Variants in PCDHGB3 observed in about 807,000 individuals in gnomAD.
PCDHGB3 encodes protocadherin gamma subfamily B, 3, also known as protocadherin gamma-B3.
Under a neutral mutation model 59.2 loss-of-function variants are expected in PCDHGB3, and 40 were observed. The observed-to-expected ratio is 0.68, with a 90% CI of 0.52 to 0.88. The LOEUF is 0.88. PCDHGB3 is among the 40% of genes least tolerant of loss of function. The pLI, the probability that PCDHGB3 is intolerant of heterozygous loss-of-function variation, is 0.00. For missense variants in PCDHGB3, 1,309 were observed against 1,187.9 expected (o/e 1.10, Z -1.50); for synonymous variants, 581 against 503.6 (o/e 1.15, Z -2.06).
chr5:141,477,719 T>C lies in PCDHGB3; in HGVS notation c.2416-17088T>C. 6.2e-7 allele frequency: 1 copy of C among 1,613,876 alleles called. No individual in the cohort carries two copies. Among genetic ancestry groups the C allele is most frequent in the Non-Finnish European group, 8.5e-7 (1 of 1,180,028 alleles). ...CTATGAGGATCGGCGGGAATTTGAA[T>C]TAACAGCTCATATCAGCGATGGGGG... On this transcript the variant is annotated intron_variant, in intron 1 of 3. Transcript: ENST00000576222. The surrounding 1 kb of genome is among the most constrained non-coding windows in gnomAD (Gnocchi z 4.9).
At chr5:141,426,655 A>C (rs2096950037) in intron 1 of PCDHGB3, 1 of 424,748 alleles carries the variant, frequency 2.4e-6, no homozygotes, top group Non-Finnish European at 4.8e-6. Flanking sequence ...ATGATAGAAG[A>C]TATAAATGAT....
Position 141,486,092 on chromosome 5 carries a change from C to G in PCDHGB3, c.2416-8715C>G. ...TACTGGAAAGCTTACTCTTTTGGGG[C>G]CCCTAGACTTTGAGAGTGAGAATTA... On this transcript the variant is annotated intron_variant, in intron 1 of 3. Transcript: ENST00000576222. The surrounding 1 kb of genome is among the most constrained non-coding windows in gnomAD (Gnocchi z 5.0). The G allele has an allele frequency of 6.2e-7, 1 of 1,614,148 alleles. No individual in the cohort carries two copies. Among genetic ancestry groups the G allele is most frequent in the South Asian group, 1.1e-5 (1 of 91,080 alleles).
In PCDHGB3 at chr5:141,432,958, A is replaced by C; in HGVS notation, c.2415+60149A>C. 6.2e-7 allele frequency: 1 copy of C among 1,614,182 alleles called. No individual in the cohort carries two copies. Among genetic ancestry groups the C allele is most frequent in the African/African-American group, 1.3e-5 (1 of 75,056 alleles). On this transcript the variant is annotated intron_variant, in intron 1 of 3. Transcript: ENST00000576222. This position sits in a 1 kb window ranked among gnomAD's most constrained non-coding sequence, Gnocchi z 6.0. ...TGCAGGCTTCAGGAGGCGGCTTGAC[A>C]GGAGCGCCGGCGTCGCACTTTGTGG...
rs569451436 is a variant in PCDHGB3, at chr5:141,389,774, A to G, written c.2415+16965A>G. The G allele has an allele frequency of 2.5e-6, 4 of 1,613,170 alleles. No individual in the cohort carries two copies. The African/African-American group carries it at 5.3e-5, about 21-fold the overall frequency. On this transcript the variant is annotated intron_variant, in intron 1 of 3. Transcript: ENST00000576222. ...GCGAAGTGCGCACAGCGCGTGCCTTAGGCGACAGGGACGCCGTCCGCCAGC... is the reference window on the plus strand; with the variant it reads ...GCGAAGTGCGCACAGCGCGTGCCTTGGGCGACAGGGACGCCGTCCGCCAGC...
At chr5:141,420,006 G>T in intron 1 of PCDHGB3, 1 of 1,614,052 alleles carries the variant, frequency 6.2e-7, no homozygotes, top group Non-Finnish European at 8.5e-7. Flanking sequence ...CTACGCCTGC[G>T]ACAGTCTTTC....
chr5:141,422,785 T>C, intron 1 of PCDHGB3: 1 of 1,614,146 alleles, frequency 6.2e-7, no homozygotes, highest in Non-Finnish European at 8.5e-7. Flanking sequence ...TGCCCTACAA[T>C]CCTTCGACTA....
intron 1 of PCDHGB3, among the ~76,000 whole-genome samples, chr5:141,460,983 GTATA>G (rs59296681): frequency 0.024 from 3,365 of 137,748 alleles, 55 homozygotes; most frequent in African/African-American, 0.035. Flanking sequence ...GTGTGTGTGT[GTATA>G]TATATATATG....
At chr5:141,434,035 T>C (rs2154556047) in intron 1 of PCDHGB3, among the ~76,000 whole-genome samples, 1 of 152,316 alleles carries the variant, frequency 6.6e-6, no homozygotes, top group Non-Finnish European at 1.5e-5. Flanking sequence ...AAGCATGGTT[T>C]TCTATTTTAT....
Position 141,431,826 on chromosome 5 carries a change from TTCCCGAAAACTC to T in PCDHGB3, c.2415+59022_2415+59033del, listed in dbSNP as rs755346532. ...GTCCTCACCTCTCTCGCCAGCTCGGTTCCCGAAAACTCTCCCAGAGGGACATTAATTGCCCTT... is the reference window on the plus strand; with the variant it reads ...GTCCTCACCTCTCTCGCCAGCTCGGTTCCCAGAGGGACATTAATTGCCCTT... On this transcript the variant is annotated intron_variant, in intron 1 of 3. Transcript: ENST00000576222. The surrounding 1 kb of genome is among the most constrained non-coding windows in gnomAD (Gnocchi z 4.8). The T allele has an allele frequency of 4.3e-6, 7 of 1,614,102 alleles. No individual in the cohort carries two copies. Among genetic ancestry groups the T allele is most frequent in the Admixed American group, 1.7e-5 (1 of 60,006 alleles).
intron 1 of PCDHGB3, among the ~76,000 whole-genome samples, chr5:141,464,265 AAAAAAAAAAAAAGC>A (rs1446781862): frequency 7.4e-6 from 1 of 135,276 alleles, no homozygotes; most frequent in Non-Finnish European, 1.6e-5. Flanking sequence ...ACTCCGTCTA[AAAAAAAAAAAAAGC>A]AAAAAAAAAA....
rs773899530 is a variant in PCDHGB3 at position 141,494,864 on chromosome 5, G to C, written c.2473G>C (p.Gly825Arg). ...FSQAQRPGTS[G>R]SQNGDDTGTW... ...TCAGGCCCAGAGACCCGGCACCAGCGGGTAGGTGACTGATTCTCCAGCCCA... is the reference window on the plus strand; with the variant it reads ...TCAGGCCCAGAGACCCGGCACCAGCCGGTAGGTGACTGATTCTCCAGCCCA... The change falls in exon 2 of 4, where the codon GGC becomes CGC. Residue 825 changes from glycine (G) to arginine (R), a missense_variant and splice_region_variant. Transcript: ENST00000576222. The C allele has an allele frequency of 1.2e-6, 2 of 1,614,068 alleles. No individual in the cohort carries two copies. Among genetic ancestry groups the C allele is most frequent in the Middle Eastern group, 1.6e-4 (1 of 6,062 alleles).
rs2095330785 is a variant in PCDHGB3 at position 141,409,884 on chromosome 5, G to C, written c.2415+37075G>C. The C allele has an allele frequency of 1.9e-6, 3 of 1,612,952 alleles. No individual in the cohort carries two copies. In the South Asian group the frequency reaches 3.3e-5, roughly 18 times the overall value. On this transcript the variant is annotated intron_variant, in intron 1 of 3. Transcript: ENST00000576222. ...GGAGACCGCAATGACAACGCACCGC[G>C]GGTGCTGTACCCAGCTCTGGGTCCT...
At chr5:141,387,629 G>T (rs1361387129) in intron 1 of PCDHGB3, 7 of 579,598 alleles carry the variant, frequency 1.2e-5, no homozygotes, top group African/African-American at 3.7e-5. Context: ...CTGACTCTGG[G>T]CGCCGCTGTT....
chr5:141,460,157 C>T (rs1388985005), intron 1 of PCDHGB3, among the ~76,000 whole-genome samples: 1 of 151,968 alleles, frequency 6.6e-6, no homozygotes, highest in Admixed American at 6.6e-5. Context: ...CTCTTTGTCA[C>T]ATACATATTT....
At chr5:141,388,710 G>T in intron 1 of PCDHGB3, 1 of 1,613,966 alleles carries the variant, frequency 6.2e-7, no homozygotes, top group Non-Finnish European at 8.5e-7. Context: ...TGTCAATGCC[G>T]AGATTACTTT....
chr5:141,490,130 C>A lies in PCDHGB3; in HGVS notation c.2416-4677C>A, dbSNP rs535362535. On this transcript the variant is annotated intron_variant, in intron 1 of 3. Coordinates refer to ENST00000576222, the MANE Select transcript of PCDHGB3 (RefSeq NM_018924.5). The surrounding 1 kb of genome is among the most constrained non-coding windows in gnomAD (Gnocchi z 5.4). ...GTGCGGAACCTCTTTGGCCTAGACC[C>A]TAGCAGTGGGGCAATCCATGTGTTG... 11 of 1,614,242 alleles carry A rather than the reference C, an allele frequency of 6.8e-6. No individual in the cohort carries two copies. In the African/African-American group the frequency reaches 1.3e-4, roughly 20 times the overall value.
rs762574320 is a variant in PCDHGB3, at chr5:141,485,926, G to A, written c.2416-8881G>A. The A allele has an allele frequency of 2.0e-5, 32 of 1,614,090 alleles. No individual in the cohort carries two copies. Among genetic ancestry groups the A allele is most frequent in the Admixed American group, 1.2e-4 (7 of 60,006 alleles). ...AGCAATCCAGCTACAGGATTAGTGT[G>A]TTGGAGAGCGCACCAGCGGGCATGG... On this transcript the variant is annotated intron_variant, in intron 1 of 3. Transcript: ENST00000576222. The surrounding 1 kb of genome is among the most constrained non-coding windows in gnomAD (Gnocchi z 5.7).
intron 1 of PCDHGB3, chr5:141,389,559 C>T (rs1388057704): frequency 1.2e-6 from 2 of 1,613,274 alleles, no homozygotes; most frequent in East Asian, 2.2e-5. Flanking sequence ...CAATGCGCCA[C>T]GGGTGCTGTA....
chr5:141,413,188 A>C, intron 1 of PCDHGB3: 4 of 1,606,680 alleles, frequency 2.5e-6, no homozygotes, highest in Non-Finnish European at 3.4e-6. Flanking sequence ...GGCCGCTCAA[A>C]GGAATCGCTC....
Sources: allele counts gnomAD v4.1 joint callset (sites outside exome capture counted in the v4.1 genomes callset), GRCh38; gene constraint gnomAD v4.1.1; non-coding constraint Gnocchi (gnomAD v3.1); transcripts MANE v1.5; gene names NCBI Gene and HGNC (gene_info 2026-07-23, HGNC 2026-07-21).